SRRM1: variants seen among roughly 807,000 people sequenced by gnomAD.
SRRM1 encodes the protein serine and arginine repetitive matrix 1, also known as serine/arginine repetitive matrix protein 1.
Under a neutral mutation model 110.2 loss-of-function variants are expected in SRRM1, and 19 were observed. The observed-to-expected ratio is 0.17, with a 90% CI of 0.12 to 0.25. The LOEUF (loss-of-function observed/expected upper bound fraction) is 0.25. Ranked by LOEUF, SRRM1 falls within the 10% of genes least tolerant of loss-of-function variation. The probability of loss-of-function intolerance (pLI) is 1.00; values close to 1 mark genes in which losing one functional copy is unlikely to be tolerated. For synonymous variants in SRRM1, 443 were observed against 414.9 expected, an observed-to-expected ratio of 1.07 and a Z score of -0.82; for missense variants, 918 against 1,145.8, an observed-to-expected ratio of 0.80 and a Z score of 2.87.
chr1:24,669,432 G>A lies in SRRM1; in HGVS notation c.2049G>A (p.Ser683=), dbSNP rs370063209. Residue 683 remains serine (S), a synonymous_variant, in exon 14 of 17, where the codon TCG becomes TCA. Transcript: ENST00000323848. ...CACCACAACCAAACAAACGGCATTCGCCCTCACCACGGCCTCGAGCTCCTC... is the reference window on the plus strand; with the variant it reads ...CACCACAACCAAACAAACGGCATTCACCCTCACCACGGCCTCGAGCTCCTC... ...ARSPQPNKRH[S]PSPRPRAPQT... 9.9e-6 allele frequency: 16 copies of A among 1,613,978 alleles called. No individual in the cohort carries two copies. Among genetic ancestry groups the A allele is most frequent in the Middle Eastern group, 3.3e-4 (2 of 6,084 alleles).
intron 3 of SRRM1, chr1:24,647,379 C>CCT (rs1658207956): frequency 1.3e-5 from 2 of 152,486 alleles, no homozygotes; most frequent in African/African-American, 4.8e-5. Flanking sequence ...TTTAAAGGAA[C>CCT]TAAGGTCTTT....
At chr1:24,669,816 G>A (rs1024180568) in intron 14 of SRRM1, 19 of 564,344 alleles carry the variant, frequency 3.4e-5, no homozygotes, top group African/African-American at 3.2e-4. Flanking sequence ...TGTTTTTGAG[G>A]GGTATGCTTC....
intron 8 of SRRM1, chr1:24,654,325 C>T (rs905691482): frequency 2.3e-6 from 3 of 1,289,728 alleles, no homozygotes; most frequent in South Asian, 1.2e-5. Context: ...AATTCTTCCG[C>T]CAAAGGTGAA....
At position 24,660,781 on chromosome 1, in the gene SRRM1, G is replaced by A. The variant is rs925710040; in HGVS notation, c.1378G>A (p.Val460Ile). 1 of 1,596,406 alleles carries A rather than the reference G, an allele frequency of 6.3e-7. No homozygotes were observed. Among genetic ancestry groups the A allele is most frequent in the East Asian group, 2.3e-5 (1 of 44,412 alleles). Residue 460 changes from valine to isoleucine, a missense_variant, in exon 10 of 17, where the codon GTA (valine) becomes ATA (isoleucine). Val to Ile is a conservative substitution (Grantham distance 29). Transcript: ENST00000323848. ...TTCACCAGCACCGAAGCCTAGAAAAGTAGAGTTATCTGAATCGGGTAAGTT... is the reference window on the plus strand; with the variant it reads ...TTCACCAGCACCGAAGCCTAGAAAAATAGAGTTATCTGAATCGGGTAAGTT... ...SPSPAPKPRK[V>I]ELSESEEDKG...
At chr1:24,655,175 A>T in intron 9 of SRRM1, 46 bp downstream of exon 9, 1 of 1,597,700 alleles carries the variant, frequency 6.3e-7, no homozygotes, top group Non-Finnish European at 8.6e-7. Context: ...TTCTTTGGCT[A>T]CAAAGCGTAG....
chr1:24,669,683 AAT>A, intron 14 of SRRM1, 96 bp downstream of exon 14: 1 of 985,386 alleles, frequency 1.0e-6, no homozygotes, highest in Non-Finnish European at 1.5e-6. Context: ...ATAAGTTATG[AAT>A]ATGAGCTTTT....
intron 4 of SRRM1, 139 bp from the exon 5 acceptor site, chr1:24,649,832 T>A: frequency 1.6e-6 from 1 of 615,040 alleles, no homozygotes; most frequent in South Asian, 2.9e-5. Context: ...GTAGTGTAGG[T>A]GAAGAAAGAA....
chr1:24,660,697 T>G (rs764186418), intron 9 of SRRM1, 22 bp from the exon 10 acceptor site: 1 of 1,419,366 alleles, frequency 7.0e-7, no homozygotes, highest in Non-Finnish European at 9.6e-7. Flanking sequence ...GTAAGCTTTT[T>G]TCCACTCTTA....
At chr1:24,657,106 CATCT>C (rs1172829969) in intron 9 of SRRM1, among the ~76,000 whole-genome samples, 1 of 152,124 alleles carries the variant, frequency 6.6e-6, no homozygotes, top group African/African-American at 2.4e-5. Context: ...ATAGAGCCAG[CATCT>C]CACTCTGTCA....
Position 24,671,608 on chromosome 1 carries a change from T to G in SRRM1, c.2610+13T>G. 2 of 1,578,272 alleles carry G rather than the reference T, an allele frequency of 1.3e-6. No homozygotes were observed. Among genetic ancestry groups the G allele is most frequent in the East Asian group, 4.5e-5 (2 of 44,656 alleles). ...AGAGCCGAAGAAGGTATTTATGAAC[T>G]CTGTATATGGCTGTCTTGCAGTTTA... On this transcript the variant is annotated intron_variant, in intron 16 of 16. Coordinates refer to ENST00000323848, the MANE Select transcript of SRRM1 (RefSeq NM_005839.4).
intron 3 of SRRM1, chr1:24,647,848 A>G (rs1469127347): frequency 1.3e-5 from 2 of 152,264 alleles, no homozygotes; most frequent in Non-Finnish European, 2.9e-5. Context: ...ATGATTGAAG[A>G]TAGATTTTAT....
intron 4 of SRRM1, 107 bp downstream of exon 4, chr1:24,649,136 T>C (rs556682733): frequency 9.7e-7 from 1 of 1,028,308 alleles, no homozygotes; most frequent in South Asian, 1.5e-5. Context: ...TAGTTTTGCT[T>C]TGCTGTACTG....
chr1:24,658,832 T>C (rs540945955), intron 9 of SRRM1, among the ~76,000 whole-genome samples: 12 of 152,240 alleles, frequency 7.9e-5, no homozygotes, highest in East Asian at 1.9e-4. Flanking sequence ...ATTCCTGATA[T>C]CTAATTGAGT....
Position 24,643,363 on chromosome 1 carries a change from G to T in SRRM1, c.21+16G>T. On this transcript the variant is annotated intron_variant, in intron 1 of 16. Coordinates refer to ENST00000323848, the MANE Select transcript of SRRM1 (RefSeq NM_005839.4). ...ATTTTTCCGCGTAAGTAGAAGCGCC[G>T]GGCGCCGGGGTGAGGCCAGGGACTT... 1 of 1,547,962 alleles carries T rather than the reference G, an allele frequency of 6.5e-7. No individual in the cohort carries two copies. Among genetic ancestry groups the T allele is most frequent in the Non-Finnish European group, 8.7e-7 (1 of 1,152,856 alleles).
chr1:24,662,199 A>G (rs1198669157), intron 11 of SRRM1, among the ~76,000 whole-genome samples: 3 of 152,070 alleles, frequency 2.0e-5, no homozygotes, highest in Non-Finnish European at 4.4e-5. Flanking sequence ...TGTAACCCCA[A>G]CACTTTGGGA....
intron 3 of SRRM1, chr1:24,647,193 C>T: frequency 6.4e-6 from 1 of 155,904 alleles, no homozygotes; most frequent in Non-Finnish European, 1.4e-5. Flanking sequence ...CTTGATGATG[C>T]AGTGTGTGTT....
At chr1:24,646,923 T>C (rs981468337) in intron 3 of SRRM1, 134 bp downstream of exon 3, 49 of 703,318 alleles carry the variant, frequency 7.0e-5, no homozygotes, top group Admixed American at 1.7e-4. Flanking sequence ...GAATTCACTT[T>C]GTAAACAACT....
At chr1:24,645,368 T>C (rs1656837113) in intron 1 of SRRM1, among the ~76,000 whole-genome samples, 1 of 152,222 alleles carries the variant, frequency 6.6e-6, no homozygotes, top group African/African-American at 2.4e-5. Flanking sequence ...CCAGTAGGAA[T>C]GACAAAATGA....
chr1:24,669,011 A>G (rs184959791), intron 13 of SRRM1, 112 bp from the exon 14 acceptor site: 1 of 783,306 alleles, frequency 1.3e-6, no homozygotes, highest in African/African-American at 1.8e-5. Flanking sequence ...ACTTATAAAT[A>G]TATTCCCTTT....
Sources: allele counts gnomAD v4.1 joint callset (sites outside exome capture counted in the v4.1 genomes callset), GRCh38; gene constraint gnomAD v4.1.1; transcripts MANE v1.5; gene names NCBI Gene and HGNC (gene_info 2026-07-23, HGNC 2026-07-21).